CCBE1: variants seen among roughly 807,000 people sequenced by gnomAD.
CCBE1 encodes the protein collagen and calcium-binding EGF domain-containing protein 1.
CCBE1 carries 37 observed loss-of-function variants against 50.0 expected under a neutral mutation model. The ratio of observed to expected loss-of-function variants is 0.74; its 90% CI spans 0.57 to 0.97. The LOEUF is 0.97. Among genes scored for constraint, CCBE1 ranks in the 50% least tolerant of loss-of-function variants. The pLI, the probability that CCBE1 is intolerant of heterozygous loss-of-function variation, is 0.00. For synonymous variants in CCBE1, 234 were observed against 203.7 expected, an observed-to-expected ratio of 1.15 and a Z score of -1.27; for missense variants, 538 against 523.8, an observed-to-expected ratio of 1.03 and a Z score of -0.26.
At chr18:59,520,814 GT>G (rs1381616801) in intron 2 of CCBE1, among the ~76,000 whole-genome samples, 1 of 152,206 alleles carries the variant, frequency 6.6e-6, no homozygotes, top group African/African-American at 2.4e-5. Context: ...TCTGAAACAT[GT>G]TTTTTCAAAA....
chr18:59,567,275 C>G (rs2052844961), intron 2 of CCBE1, among the ~76,000 whole-genome samples: 1 of 151,814 alleles, frequency 6.6e-6, no homozygotes, highest in Admixed American at 6.6e-5. Flanking sequence ...ACCCAGCTAC[C>G]CTACCCACCA....
intron 2 of CCBE1, among the ~76,000 whole-genome samples, chr18:59,642,880 C>T (rs533863377): frequency 2.2e-5 from 3 of 137,510 alleles, no homozygotes; most frequent in African/African-American, 2.7e-5. Flanking sequence ...ACCTGGGAGG[C>T]GGAGGTTGCA....
intron 2 of CCBE1, among the ~76,000 whole-genome samples, chr18:59,591,772 A>G (rs865972137): frequency 6.6e-6 from 1 of 152,226 alleles, no homozygotes; most frequent in Non-Finnish European, 1.5e-5. Context: ...CTACAAGTCC[A>G]TTTACCTCTT....
chr18:59,504,215 A>G (rs1342967651), intron 2 of CCBE1, among the ~76,000 whole-genome samples: 3 of 152,214 alleles, frequency 2.0e-5, no homozygotes, highest in African/African-American at 7.2e-5. Context: ...ATAGCTTTAT[A>G]TCTTCTATTA....
At chr18:59,495,050 A>G (rs1051362098) in intron 2 of CCBE1, among the ~76,000 whole-genome samples, 1 of 152,124 alleles carries the variant, frequency 6.6e-6, no homozygotes, top group African/African-American at 2.4e-5. Flanking sequence ...CTGAGGCAGG[A>G]TAATTGCTTG....
chr18:59,537,800 A>G (rs1409365148), intron 2 of CCBE1, among the ~76,000 whole-genome samples: 1 of 152,214 alleles, frequency 6.6e-6, no homozygotes, highest in Non-Finnish European at 1.5e-5. Flanking sequence ...AATGCGTGAT[A>G]TACCTCAATA....
chr18:59,676,467 T>C (rs1652066), intron 2 of CCBE1, among the ~76,000 whole-genome samples: 1 of 152,040 alleles, frequency 6.6e-6, no homozygotes, highest in Admixed American at 6.5e-5. Context: ...ATTTATGCTA[T>C]CTTCTTATAT....
At chr18:59,573,026 G>A (rs940635344) in intron 2 of CCBE1, among the ~76,000 whole-genome samples, 1 of 151,914 alleles carries the variant, frequency 6.6e-6, no homozygotes, top group African/African-American at 2.4e-5. Flanking sequence ...GCTCACACCT[G>A]TAATCCCTGC....
At chr18:59,657,565 C>G (rs189867387) in intron 2 of CCBE1, among the ~76,000 whole-genome samples, 71 of 152,306 alleles carry the variant, frequency 4.7e-4, no homozygotes, top group Middle Eastern at 3.4e-3. Context: ...ACTCTTTAGG[C>G]TCAACAACTG....
At chr18:59,694,722 G>A (rs747400807) in intron 2 of CCBE1, among the ~76,000 whole-genome samples, 4 of 152,118 alleles carry the variant, frequency 2.6e-5, no homozygotes, top group Non-Finnish European at 4.4e-5. Flanking sequence ...CTCTATTCTT[G>A]GGATTCAAGA....
intron 2 of CCBE1, among the ~76,000 whole-genome samples, chr18:59,645,697 C>A (rs1038479428): frequency 3.9e-5 from 6 of 152,170 alleles, no homozygotes; most frequent in African/African-American, 1.4e-4. Flanking sequence ...GTTTTGAAAC[C>A]AATTCAGCCA....
intron 2 of CCBE1, among the ~76,000 whole-genome samples, chr18:59,480,789 C>G (rs1462765243): frequency 2.0e-5 from 3 of 151,520 alleles, no homozygotes; most frequent in Non-Finnish European, 4.4e-5. Flanking sequence ...ATATAAGAAA[C>G]TGAAAGGTAC....
intron 2 of CCBE1, among the ~76,000 whole-genome samples, chr18:59,607,675 G>T (rs1196615561): frequency 3.9e-5 from 6 of 152,194 alleles, no homozygotes; most frequent in African/African-American, 1.2e-4. Context: ...TTGCACAATG[G>T]TTAGACACGG....
At chr18:59,543,708 G>T (rs8083501) in intron 2 of CCBE1, among the ~76,000 whole-genome samples, 10,340 of 152,000 alleles carry the variant, frequency 0.068, 520 homozygotes, top group East Asian at 0.16. Flanking sequence ...GGTGGCGGGC[G>T]CCTGTAGTCC....
chr18:59,587,326 A>T (rs1185278579), intron 2 of CCBE1, among the ~76,000 whole-genome samples: 1 of 152,222 alleles, frequency 6.6e-6, no homozygotes, highest in Non-Finnish European at 1.5e-5. Flanking sequence ...TCAGGAATGG[A>T]AGTGTAACAC....
chr18:59,588,993 T>C (rs751189466), intron 2 of CCBE1, among the ~76,000 whole-genome samples: 1 of 152,202 alleles, frequency 6.6e-6, no homozygotes, highest in Non-Finnish European at 1.5e-5. Flanking sequence ...TCCTGACGGA[T>C]GGCTTTCCCA....
At chr18:59,538,551 A>G (rs1915341555) in intron 2 of CCBE1, among the ~76,000 whole-genome samples, 1 of 152,222 alleles carries the variant, frequency 6.6e-6, no homozygotes, top group African/African-American at 2.4e-5. Context: ...GCATTGAAAT[A>G]TATGTATTTC....
chr18:59,638,201 TGA>T (rs1397733028), intron 2 of CCBE1, among the ~76,000 whole-genome samples: 8 of 152,240 alleles, frequency 5.3e-5, no homozygotes, highest in Non-Finnish European at 7.3e-5. Context: ...CAATAAAATT[TGA>T]CAGTGATTTC....
chr18:59,433,771 A>AT lies in CCBE1; in HGVS notation c.*2136dup, dbSNP rs1189904509. On this transcript the variant is annotated 3_prime_UTR_variant, in exon 11 of 11. Coordinates refer to ENST00000439986, the MANE Select transcript of CCBE1 (RefSeq NM_133459.4). ...AGGCGCCCACCACCACGCCCGACTA[A>AT]TTTTTTGTGTTTTTAGTAGAGACAG... is the stretch of plus-strand genomic sequence containing the variant. 3.3e-5 allele frequency: 5 copies of AT among 150,024 alleles called. No individual in the cohort carries two copies. Among genetic ancestry groups the AT allele is most frequent in the African/African-American group, 7.4e-5 (3 of 40,506 alleles). 9.3% of individuals were successfully genotyped at this position (150,024 alleles called of 1,614,324 possible).
Sources: allele counts gnomAD v4.1 joint callset (sites outside exome capture counted in the v4.1 genomes callset), GRCh38; gene constraint gnomAD v4.1.1; transcripts MANE v1.5; gene names NCBI Gene and HGNC (gene_info 2026-07-23, HGNC 2026-07-21).